The following WDR70 variants were observed in gnomAD, a reference collection of about 807,000 sequenced individuals.
WDR70 encodes WD repeat-containing protein 70.
Under a neutral mutation model 88.6 loss-of-function variants are expected in WDR70, and 53 were observed. The ratio of observed to expected loss-of-function variants is 0.60; its 90% confidence interval spans 0.48 to 0.75. WDR70 has a LOEUF of 0.75. WDR70 is among the 30% of genes least tolerant of loss of function. The probability of loss-of-function intolerance (pLI) is 0.00; values close to 1 mark genes in which losing one functional copy is unlikely to be tolerated. For missense variants in WDR70, 610 were observed against 823.2 expected (o/e 0.74, Z 3.17); for synonymous variants, 280 against 270.0 (o/e 1.04, Z -0.36).
intron 9 of WDR70, among the ~76,000 whole-genome samples, chr5:37,560,444 G>C (rs1047801513): frequency 5.3e-5 from 8 of 152,114 alleles, no homozygotes; most frequent in African/African-American, 1.9e-4. Context: ...TCAGTTTAAA[G>C]TCAAATATGA....
intron 8 of WDR70, among the ~76,000 whole-genome samples, chr5:37,481,191 G>T (rs1739656933): frequency 6.6e-6 from 1 of 152,184 alleles, no homozygotes; most frequent in African/African-American, 2.4e-5. Flanking sequence ...GCAGTCAGTG[G>T]ATCTACCATT....
intron 10 of WDR70, chr5:37,687,978 G>T: frequency 2.9e-6 from 2 of 689,642 alleles, no homozygotes; most frequent in South Asian, 1.5e-5. Flanking sequence ...TTTGTGTGAT[G>T]TGAATCCACT....
chr5:37,511,840 T>C (rs562126728), intron 8 of WDR70, among the ~76,000 whole-genome samples: 1 of 152,348 alleles, frequency 6.6e-6, no homozygotes, highest in East Asian at 1.9e-4. Flanking sequence ...CTTCATTATA[T>C]TGAAGGCAGT....
At chr5:37,636,199 G>T (rs1325214112) in intron 10 of WDR70, among the ~76,000 whole-genome samples, 1 of 145,258 alleles carries the variant, frequency 6.9e-6, no homozygotes, top group African/African-American at 2.4e-5. Context: ...AGCTAACTGG[G>T]AGGAGCTCCC....
At chr5:37,490,964 C>T (rs1740048252) in intron 8 of WDR70, among the ~76,000 whole-genome samples, 1 of 152,130 alleles carries the variant, frequency 6.6e-6, no homozygotes, top group Non-Finnish European at 1.5e-5. Flanking sequence ...AGAAAGAAAA[C>T]AGACTGGTGG....
At chr5:37,467,916 G>A (rs1258497803) in intron 7 of WDR70, among the ~76,000 whole-genome samples, 9 of 151,802 alleles carry the variant, frequency 5.9e-5, no homozygotes, top group African/African-American at 9.7e-5. Context: ...GGGTTTCACC[G>A]TGTTAGCCAA....
intron 7 of WDR70, among the ~76,000 whole-genome samples, chr5:37,468,053 G>A (rs575706852): frequency 1.3e-4 from 20 of 152,010 alleles, no homozygotes; most frequent in Admixed American, 1.3e-3. Context: ...GTTTTACCAT[G>A]TTAACCAGGA....
At chr5:37,391,488 A>G (rs1748818279) in intron 3 of WDR70, among the ~76,000 whole-genome samples, 2 of 152,128 alleles carry the variant, frequency 1.3e-5, no homozygotes, top group South Asian at 4.1e-4. Context: ...AGATTACCTC[A>G]TGTAAGTGGC....
chr5:37,591,746 G>C (rs1257607227), intron 9 of WDR70, among the ~76,000 whole-genome samples: 1 of 152,170 alleles, frequency 6.6e-6, no homozygotes, highest in Non-Finnish European at 1.5e-5. Flanking sequence ...ACCATAGACT[G>C]ATATCCCCAA....
At chr5:37,467,803 G>A (rs1739204784) in intron 7 of WDR70, among the ~76,000 whole-genome samples, 1 of 151,598 alleles carries the variant, frequency 6.6e-6, no homozygotes, top group South Asian at 2.1e-4. Flanking sequence ...TGCAAGCTCC[G>A]CCTCCCGGGT....
At chr5:37,637,279 T>G (rs1430666644) in intron 10 of WDR70, among the ~76,000 whole-genome samples, 1 of 151,696 alleles carries the variant, frequency 6.6e-6, no homozygotes, top group Non-Finnish European at 1.5e-5. Context: ...AGGCGAAGTT[T>G]GCAGTGAGCC....
Position 37,572,496 on chromosome 5 carries a change from T to A in WDR70, c.918-32568T>A, listed in dbSNP as rs974417322. On this transcript the variant is annotated intron_variant, in intron 9 of 17. Transcript: ENST00000265107. ...CAAGTGCAATTTTGCTGCATTGATG[T>A]ATTGTATTATGGTGAAGTCAGGGCC... Among the ~76,000 whole-genome samples, 6 of 152,248 alleles carry A rather than the reference T, an allele frequency of 3.9e-5. No individual in the cohort carries two copies. The South Asian group carries it at 8.3e-4, about 21-fold the overall frequency.
intron 12 of WDR70, 22 bp from the exon 13 acceptor site, chr5:37,702,927 C>G (rs201229084): frequency 6.3e-7 from 1 of 1,595,240 alleles, no homozygotes; most frequent in Middle Eastern, 1.7e-4. Context: ...AGCTTATACT[C>G]GTAAACTCTT....
intron 9 of WDR70, among the ~76,000 whole-genome samples, chr5:37,581,777 A>T (rs141531854): frequency 6.6e-6 from 1 of 152,156 alleles, no homozygotes; most frequent in Non-Finnish European, 1.5e-5. Flanking sequence ...TAGTGCACAA[A>T]ACTATACACA....
At chr5:37,439,543 G>A (rs1240472719) in intron 6 of WDR70, among the ~76,000 whole-genome samples, 2 of 148,824 alleles carry the variant, frequency 1.3e-5, no homozygotes, top group African/African-American at 5.0e-5. Flanking sequence ...ATCTTATAGA[G>A]AAACATAACT....
chr5:37,485,935 G>A (rs1739854698), intron 8 of WDR70, among the ~76,000 whole-genome samples: 1 of 144,262 alleles, frequency 6.9e-6, no homozygotes, highest in Non-Finnish European at 1.5e-5. Flanking sequence ...GGCTGGTCTC[G>A]AACTCCAGAC....
At chr5:37,446,830 A>T (rs1241269671) in intron 7 of WDR70, among the ~76,000 whole-genome samples, 4 of 152,232 alleles carry the variant, frequency 2.6e-5, no homozygotes, top group Non-Finnish European at 5.9e-5. Context: ...CTAAAACCAT[A>T]AAAACCCTAG....
In WDR70 at chr5:37,722,887, G is replaced by T. The variant is rs77730443; in HGVS notation, c.1550G>T (p.Arg517Leu). 2.2e-5 allele frequency: 36 copies of T among 1,613,598 alleles called. No individual in the cohort carries two copies. Among genetic ancestry groups the T allele is most frequent in the Non-Finnish European group, 3.1e-5 (36 of 1,179,678 alleles). ...GAKLCVVKTQ[R>L]KAKQAETLTQ... is the part of the protein sequence containing the mutation. The stretch of plus-strand genomic sequence containing the variant: ...AAATTATGTGTGGTTAAAACCCAGC[G>T]GAAGGCAAAACAAGCTGAGACTCTA... Residue 517 changes from arginine (R) to leucine (L), a missense_variant, in exon 15 of 18, where the codon CGG becomes CTG. Physicochemically the swap from Arg to Leu is moderately radical, Grantham distance 102. This residue lies in a region of WDR70 where 254 missense variants were observed against 300.7 expected (regional missense o/e 0.84). Coordinates refer to ENST00000265107, the MANE Select transcript of WDR70 (RefSeq NM_018034.4).
At chr5:37,735,291 C>A (rs1224489888) in intron 17 of WDR70, among the ~76,000 whole-genome samples, 1 of 152,074 alleles carries the variant, frequency 6.6e-6, no homozygotes. Flanking sequence ...TATTTTTCTG[C>A]ATTAGAGATG....
Sources: gnomAD v4.1 joint callset for allele counts (sites outside exome capture counted in the v4.1 genomes callset) on GRCh38, gnomAD v4.1.1 for gene constraint, gnomAD v4.1.1 regional missense constraint, MANE v1.5 for transcripts, NCBI Gene and HGNC (gene_info 2026-07-23, HGNC 2026-07-21) for gene names.